Variants in ANPEP observed in about 807,000 individuals in gnomAD.
The protein encoded by ANPEP is aminopeptidase N.
A neutral mutation model predicts 114.6 loss-of-function variants in ANPEP; 70 were observed. The ratio of observed to expected loss-of-function variants is 0.61; its 90% confidence interval spans 0.50 to 0.75. The LOEUF is 0.75. Among genes scored for constraint, ANPEP ranks in the 30% least tolerant of loss-of-function variants. The probability of loss-of-function intolerance (pLI) is 0.00; values close to 1 mark genes in which losing one functional copy is unlikely to be tolerated. For synonymous variants in ANPEP, 548 were observed against 522.3 expected, an observed-to-expected ratio of 1.05 and a Z score of -0.67; for missense variants, 1,184 against 1,259.5, an observed-to-expected ratio of 0.94 and a Z score of 0.91.
intron 1 of ANPEP, among the ~76,000 whole-genome samples, chr15:89,809,456 T>C (rs1384950937): frequency 6.6e-6 from 1 of 152,254 alleles, no homozygotes. Flanking sequence ...ACAAGGCCTC[T>C]GGTCTTCCAA....
rs752797827 is a variant in ANPEP at position 89,790,984 on chromosome 15, C to G, written c.2638G>C (p.Val880Leu). The change falls in exon 19 of 21, where the codon GTC becomes CTC. Residue 880 changes from valine (V) to leucine (L), a missense_variant. Val to Leu is a conservative substitution (Grantham distance 32). Transcript: ENST00000300060. Reference sequence around the variant, plus strand: ...AAAAGCTTCTTCCAGTTGCTCTGGACAAAGTCCCAGACCAGACCTTGCCCA... The same window carrying G: ...AAAAGCTTCTTCCAGTTGCTCTGGAGAAAGTCCCAGACCAGACCTTGCCCA... ...VIGQGLVWDF[V>L]QSNWKKLFND... 58 of 1,614,084 alleles carry G rather than the reference C, an allele frequency of 3.6e-5. No individual in the cohort carries two copies. The highest frequency in any genetic ancestry group is 4.8e-5 in the Non-Finnish European group (57 of 1,180,034).
chr15:89,797,551 G>A lies in ANPEP; in HGVS notation c.2157+24C>T. 1.9e-6 allele frequency: 3 copies of A among 1,599,254 alleles called. No individual in the cohort carries two copies. In the South Asian group the frequency reaches 3.3e-5, roughly 18 times the overall value. On this transcript the variant is annotated intron_variant, in intron 15 of 20. Coordinates refer to ENST00000300060, the MANE Select transcript of ANPEP (RefSeq NM_001150.3). ...CAGGCACTGGGGCGAACTGGTTCTT[G>A]AACCCTACCATGCACCTCCGTACCT...
At chr15:89,788,901 T>C (rs1320021563) in intron 20 of ANPEP, among the ~76,000 whole-genome samples, 9 of 151,968 alleles carry the variant, frequency 5.9e-5, no homozygotes, top group Non-Finnish European at 1.3e-4. Context: ...ATTACAGGCA[T>C]GAAGCACCCC....
rs186405489 is a variant in ANPEP at position 89,801,240 on chromosome 15, T to C, written c.1743-53A>G. On this transcript the variant is annotated intron_variant, in intron 11 of 20. Transcript: ENST00000300060. The stretch of plus-strand genomic sequence containing the variant: ...GAGATGGCGGTGTGGTCACTGCCAG[T>C]GAGGAGCAGCTGCCCAGGCTCCCAG... The C allele has an allele frequency of 3.1e-4, 489 of 1,586,252 alleles. No individual in the cohort carries two copies. The African/African-American group carries it at 5.7e-3, about 18-fold the overall frequency.
At chr15:89,813,387 G>A (rs901312680) in intron 1 of ANPEP, among the ~76,000 whole-genome samples, 5 of 152,228 alleles carry the variant, frequency 3.3e-5, no homozygotes, top group African/African-American at 9.6e-5. Context: ...TGTAACGAAG[G>A]TCTCATTCCC....
At chr15:89,786,386 C>CTTTTTTTTT (rs57614547) in intron 20 of ANPEP, among the ~76,000 whole-genome samples, 4 of 130,558 alleles carry the variant, frequency 3.1e-5, no homozygotes, top group Non-Finnish European at 4.8e-5. Context: ...ATTTTAACTA[C>CTTTTTTTTT]TTTTTTTTTT....
intron 15 of ANPEP, among the ~76,000 whole-genome samples, chr15:89,795,191 C>T (rs1968706001): frequency 6.6e-6 from 1 of 151,436 alleles, no homozygotes; most frequent in African/African-American, 2.4e-5. Flanking sequence ...AGAAAGAACA[C>T]TTGGAAATTT....
chr15:89,801,310 T>C lies in ANPEP; in HGVS notation c.1743-123A>G, dbSNP rs1226542716. On this transcript the variant is annotated intron_variant, in intron 11 of 20. Transcript: ENST00000300060. ...CCGAGTGCCCCTGAACTCCTGGCTC[T>C]GGAGGGAGGGTCTGTCTACAGTGGC... is the stretch of plus-strand genomic sequence containing the variant. The C allele has an allele frequency of 5.8e-6, 9 of 1,542,932 alleles. No homozygotes were observed. The African/African-American group carries it at 1.2e-4, about 21-fold the overall frequency.
rs147258271 is a variant in ANPEP, at chr15:89,787,354, C to G, written c.2752-1853G>C. Reference sequence around the variant, plus strand: ...GCCGCCATGCCTGGCCAATAAAACTCTTAGAAAAAACATCGTCAGGTCTTT... The same window carrying G: ...GCCGCCATGCCTGGCCAATAAAACTGTTAGAAAAAACATCGTCAGGTCTTT... On this transcript the variant is annotated intron_variant, in intron 20 of 20. Transcript: ENST00000300060. 7.5e-3 allele frequency among the ~76,000 whole-genome samples: 1,148 copies of G among 152,112 alleles called. 8 individuals carry two copies. The highest frequency in any genetic ancestry group is 0.026 in the African/African-American group (1,068 of 41,502).
intron 20 of ANPEP, among the ~76,000 whole-genome samples, chr15:89,790,086 A>G (rs1308559866): frequency 7.1e-6 from 1 of 141,836 alleles, no homozygotes; most frequent in Admixed American, 7.0e-5. Flanking sequence ...TAAAAAAAAT[A>G]AAAGAATGCG....
At chr15:89,797,324 C>A in intron 15 of ANPEP, 1 of 428,038 alleles carries the variant, frequency 2.3e-6, no homozygotes, top group Non-Finnish European at 4.1e-6. Flanking sequence ...TGTTTTGCCC[C>A]ACGCAGCCTC....
At position 89,805,980 on chromosome 15, in the gene ANPEP, T is replaced by C. The variant is rs1283993032; in HGVS notation, c.604A>G (p.Asn202Asp). 2 of 1,587,064 alleles carry C rather than the reference T, an allele frequency of 1.3e-6. No individual in the cohort carries two copies. Among genetic ancestry groups the C allele is most frequent in the South Asian group, 1.1e-5 (1 of 87,890 alleles). ...GFYRSEYMEG[N>D]VRKVVATTQM... ...CCAGCCGGAACTCACTTTCTGACAT[T>C]GCCCTCCATGTACTCGCTGCGGTAG... Residue 202 changes from asparagine (N) to aspartate (D), a missense_variant, in exon 2 of 21, where the codon AAT becomes GAT. Coordinates refer to ENST00000300060, the MANE Select transcript of ANPEP (RefSeq NM_001150.3).
Position 89,806,819 on chromosome 15 carries a change from A to T in ANPEP, c.-223-13T>A. 1.7e-6 allele frequency: 1 copy of T among 588,864 alleles called. No individual in the cohort carries two copies. Among genetic ancestry groups the T allele is most frequent in the Non-Finnish European group, 2.8e-6 (1 of 352,754 alleles). 36.5% of individuals were successfully genotyped at this position (588,864 alleles called of 1,614,324 possible). ...GCTCGGGGGGTGCCTGCTGGAAGCA[A>T]ACAGTGTCTGGTTACAGGCTGCAGG... On this transcript the variant is annotated splice_polypyrimidine_tract_variant and intron_variant, in intron 1 of 20. Transcript: ENST00000300060. The surrounding 1 kb of genome is among the most constrained non-coding windows in gnomAD (Gnocchi z 5.7).
chr15:89,789,509 A>C (rs1313486327), intron 20 of ANPEP, among the ~76,000 whole-genome samples: 1 of 152,026 alleles, frequency 6.6e-6, no homozygotes, highest in Non-Finnish European at 1.5e-5. Flanking sequence ...GCAGTGGCTC[A>C]CACCTGTAAT....
At position 89,805,141 on chromosome 15, in the gene ANPEP, G is replaced by GTT; in HGVS notation, c.833_834insAA (p.Tyr278Ter). The change falls in exon 4 of 21, where the codon TAC becomes TAAAC. Residue 278 changes from tyrosine (Y) to a stop codon, truncating the protein, a stop_gained and frameshift_variant. Transcript: ENST00000300060. LOFTEE classifies it high-confidence loss of function. ...EFHTTPKMST[Y>*]LLAFIVSEFD... is the part of the protein sequence containing the mutation. ...ACTCACTGACAATGAAGGCCAGCAA[G>GTT]TACGTGGACATCTTGGGCGTGGTGT... 1 of 1,614,258 alleles carries GTT rather than the reference G, an allele frequency of 6.2e-7. No homozygotes were observed. Among genetic ancestry groups the GTT allele is most frequent in the Non-Finnish European group, 8.5e-7 (1 of 1,180,046 alleles).
chr15:89,794,628 C>T (rs576789750), intron 15 of ANPEP, among the ~76,000 whole-genome samples: 1 of 149,250 alleles, frequency 6.7e-6, no homozygotes, highest in African/African-American at 2.5e-5. Context: ...CCACTTCCCT[C>T]CTTGTAGAGG....
chr15:89,808,127 C>T (rs1303949170), intron 1 of ANPEP, among the ~76,000 whole-genome samples: 1 of 152,224 alleles, frequency 6.6e-6, no homozygotes, highest in Non-Finnish European at 1.5e-5. Flanking sequence ...TACAGTCAGC[C>T]TGCCCATTTC....
chr15:89,809,444 G>A (rs890928674), intron 1 of ANPEP, among the ~76,000 whole-genome samples: 1 of 152,196 alleles, frequency 6.6e-6, no homozygotes, highest in Non-Finnish European at 1.5e-5. Flanking sequence ...TTACTCTTCT[G>A]GACAAGGCCT....
At chr15:89,795,476 A>G (rs1403234148) in intron 15 of ANPEP, among the ~76,000 whole-genome samples, 7 of 152,166 alleles carry the variant, frequency 4.6e-5, no homozygotes, top group African/African-American at 1.7e-4. Context: ...AGGTAGATGG[A>G]GACGAGGCCC....
Sources: allele counts gnomAD v4.1 joint callset (sites outside exome capture counted in the v4.1 genomes callset), GRCh38; gene constraint gnomAD v4.1.1; non-coding constraint Gnocchi (gnomAD v3.1); transcripts MANE v1.5; gene names NCBI Gene and HGNC (gene_info 2026-07-23, HGNC 2026-07-21).